The following ANKMY1 variants were observed in gnomAD, a reference collection of about 807,000 sequenced individuals.
ANKMY1 encodes ankyrin repeat and MYND domain-containing protein 1.
Under a neutral mutation model 102.0 loss-of-function variants are expected in ANKMY1, and 98 were observed. The observed-to-expected ratio is 0.96, with a 90% confidence interval of 0.82 to 1.14. The LOEUF is 1.14. Ranked by LOEUF, ANKMY1 falls within the 50% of genes most tolerant of loss-of-function variation. The probability of loss-of-function intolerance (pLI) is 0.00; values close to 1 mark genes in which losing one functional copy is unlikely to be tolerated. For synonymous variants in ANKMY1, 582 were observed against 559.9 expected, an observed-to-expected ratio of 1.04 and a Z score of -0.56; for missense variants, 1,330 against 1,347.6, an observed-to-expected ratio of 0.99 and a Z score of 0.20.
At chr2:240,554,787 T>G (rs777925268) in intron 3 of ANKMY1, 79 bp downstream of exon 3, 119 of 1,522,370 alleles carry the variant, frequency 7.8e-5, no homozygotes, top group Non-Finnish European at 1.1e-4. Flanking sequence ...AAAGTTCCCG[T>G]CCCATCACTC....
upstream of ANKMY1, chr2:240,560,241 G>A (rs2092832407): frequency 6.4e-6 from 1 of 157,370 alleles, no homozygotes; most frequent in African/African-American, 2.4e-5. Flanking sequence ...CACGTGCACC[G>A]GGTAGCCACG....
Position 240,500,453 on chromosome 2 carries a change from T to A in ANKMY1, c.2639A>T (p.Gln880Leu). ...CCTCATGGGAGGCTCACCACCTACC[T>A]GGAAGAATCTGAAGTAGCCATAGTC... Reference protein sequence around the residue: ...AVDYGYFRFFQDRRIARCPFH... With the variant: ...AVDYGYFRFFLDRRIARCPFH... The change falls in exon 14 of 18, where the codon CAG becomes CTG. Residue 880 changes from glutamine to leucine, a missense_variant and splice_region_variant. Transcript: ENST00000401804. 6.2e-7 allele frequency: 1 copy of A among 1,613,588 alleles called. No individual in the cohort carries two copies. The highest frequency in any genetic ancestry group is 8.5e-7 in the Non-Finnish European group (1 of 1,179,674).
rs2077867615 is a variant in ANKMY1, at chr2:240,499,871, G to A, written c.2806+87C>T. The A allele has an allele frequency of 2.1e-6, 3 of 1,460,628 alleles. No individual in the cohort carries two copies. The highest frequency in any genetic ancestry group is 2.7e-6 in the Non-Finnish European group (3 of 1,095,602). The allele number at this position is 1,460,628 out of a possible 1,614,324, so 90.5% of individuals were successfully genotyped here. On this transcript the variant is annotated intron_variant, in intron 15 of 17. Coordinates refer to ENST00000401804, the MANE Select transcript of ANKMY1 (RefSeq NM_001282771.3). This position sits in a 1 kb window ranked among gnomAD's most constrained non-coding sequence, Gnocchi z 4.2. ...GGAAGGCCCCTCCAAGAGCCCCAGG[G>A]GGTCCAGATCTCCAGGGATAACAGC...
At chr2:240,482,096 G>T in intron 16 of ANKMY1, 87 bp downstream of exon 16, 2 of 1,431,646 alleles carry the variant, frequency 1.4e-6, no homozygotes, top group South Asian at 1.2e-5. Flanking sequence ...GGCTGTCCCG[G>T]GATGAGGTGG....
downstream of ANKMY1, among the ~76,000 whole-genome samples, chr2:240,475,893 G>A (rs1042061761): frequency 6.6e-6 from 1 of 152,068 alleles, no homozygotes; most frequent in African/African-American, 2.4e-5. Flanking sequence ...TTCATGGATT[G>A]GAAGAATACT....
intron 13 of ANKMY1, among the ~76,000 whole-genome samples, chr2:240,501,790 T>C (rs974776639): frequency 6.6e-6 from 1 of 152,166 alleles, no homozygotes; most frequent in South Asian, 2.1e-4. Flanking sequence ...CCCTGGCACA[T>C]GGGGGCATGG....
upstream of ANKMY1, chr2:240,560,792 G>T: frequency 1.0e-5 from 15 of 1,453,752 alleles, no homozygotes; most frequent in Non-Finnish European, 1.3e-5. Flanking sequence ...CCGCGGGCGC[G>T]GAGGAGCAGC....
At position 240,520,772 on chromosome 2, in the gene ANKMY1, A is replaced by G. The variant is rs1036213459; in HGVS notation, c.1833-239T>C. Among the ~76,000 whole-genome samples the G allele has an allele frequency of 6.8e-6, 1 of 146,726 alleles. No individual in the cohort carries two copies. The highest frequency in any genetic ancestry group is 2.0e-4 in the East Asian group (1 of 4,952). ...GCACACACAGCACACCACACAGCAC[A>G]CTCACAACCACACCCACAGCACACC... On this transcript the variant is annotated intron_variant, in intron 8 of 17. Coordinates refer to ENST00000401804, the MANE Select transcript of ANKMY1 (RefSeq NM_001282771.3). This position sits in a 1 kb window ranked among gnomAD's most constrained non-coding sequence, Gnocchi z 4.8.
intron 4 of ANKMY1, among the ~76,000 whole-genome samples, chr2:240,549,647 T>C (rs1461450749): frequency 6.6e-6 from 1 of 151,998 alleles, no homozygotes; most frequent in Non-Finnish European, 1.5e-5. Context: ...GAATCTACAA[T>C]GAACTCAAAA....
chr2:240,485,067 G>A (rs1163695791), intron 15 of ANKMY1, among the ~76,000 whole-genome samples: 2 of 152,162 alleles, frequency 1.3e-5, no homozygotes, highest in African/African-American at 2.4e-5. Context: ...GGTGGCTCAT[G>A]CCTGTAATCC....
At chr2:240,497,998 C>A (rs149233622) in intron 15 of ANKMY1, among the ~76,000 whole-genome samples, 3 of 152,232 alleles carry the variant, frequency 2.0e-5, no homozygotes, top group African/African-American at 4.8e-5. Flanking sequence ...CCCCAGTATC[C>A]TCAGGGGTGT....
rs2081958777 is a variant in ANKMY1 at position 240,520,333 on chromosome 2, TC to T, written c.2004+28del. 6.6e-7 allele frequency: 1 copy of T among 1,513,176 alleles called. No individual in the cohort carries two copies. The highest frequency in any genetic ancestry group is 2.1e-5 in the Admixed American group (1 of 46,894). 93.7% of individuals were successfully genotyped at this position (1,513,176 alleles called of 1,614,324 possible). ...AGTGCCCGGGAGTCTGCTGCGCTCGTCCCGGCGCCCGCCCGCCGCGGCTCCT... is the reference window on the plus strand; with the variant it reads ...AGTGCCCGGGAGTCTGCTGCGCTCGTCCGGCGCCCGCCCGCCGCGGCTCCT... On this transcript the variant is annotated intron_variant, in intron 9 of 17. Transcript: ENST00000401804. The surrounding 1 kb of genome is among the most constrained non-coding windows in gnomAD (Gnocchi z 4.8).
intron 13 of ANKMY1, among the ~76,000 whole-genome samples, chr2:240,505,140 G>A (rs578252238): frequency 3.9e-5 from 6 of 152,086 alleles, no homozygotes; most frequent in Admixed American, 6.5e-5. Flanking sequence ...TGCAGCTGCC[G>A]TGGAAATAGT....
At chr2:240,539,915 C>T (rs2088201423) in intron 4 of ANKMY1, among the ~76,000 whole-genome samples, 1 of 152,192 alleles carries the variant, frequency 6.6e-6, no homozygotes, top group Non-Finnish European at 1.5e-5. Flanking sequence ...TACCCCCTCC[C>T]TTTTGGAGTT....
intron 8 of ANKMY1, chr2:240,522,287 A>G (rs1398969680): frequency 6.6e-6 from 1 of 152,222 alleles, no homozygotes; most frequent in African/African-American, 2.4e-5. Context: ...TCACCTCTCA[A>G]TAATGCTCAC....
Position 240,523,988 on chromosome 2 carries a change from T to C in ANKMY1, c.1729A>G (p.Arg577Gly), listed in dbSNP as rs1448806645. The C allele has an allele frequency of 8.1e-6, 13 of 1,613,920 alleles. No homozygotes were observed. The East Asian group carries it at 2.9e-4, about 36-fold the overall frequency. The change falls in exon 8 of 18, where the codon AGA becomes GGA. Residue 577 changes from arginine to glycine, a missense_variant. Coordinates refer to ENST00000401804, the MANE Select transcript of ANKMY1 (RefSeq NM_001282771.3). ...SIELSQAMLE[R>G]SAQSHSLLKM... ...AGCAAGCTGTGGGACTGGGCGCTTC[T>C]CTCCAGCATGGCCTGCGAGAGCTCG...
chr2:240,524,144 G>A lies in ANKMY1; in HGVS notation c.1573C>T (p.Pro525Ser), dbSNP rs769318304. 5 of 1,613,824 alleles carry A rather than the reference G, an allele frequency of 3.1e-6. No individual in the cohort carries two copies. Among genetic ancestry groups the A allele is most frequent in the South Asian group, 2.2e-5 (2 of 91,084 alleles). ...HRSSSLKGDS[P>S]LVKGSLGHVE... ...TGGCCAAGGCTGCCCTTCACCAACG[G>A]GGAGTCCCCCTTCAGAGAGCTGCTC... The change falls in exon 8 of 18, where the codon CCG (proline) becomes TCG (serine). Residue 525 changes from proline to serine, a missense_variant. Transcript: ENST00000401804.
chr2:240,520,385 T>A lies in ANKMY1; in HGVS notation c.1981A>T (p.Thr661Ser), dbSNP rs771191977. ...VRLLLEHGAR[T>S]DICFPPQLST... ...ACCTGCGGCGGAAAGCAGATGTCGG[T>A]CCTCGCCCCGTGCTCCAGCAGCAGC... Residue 661 changes from threonine (T) to serine (S), a missense_variant, in exon 9 of 18, where the codon ACC becomes TCC. Coordinates refer to ENST00000401804, the MANE Select transcript of ANKMY1 (RefSeq NM_001282771.3). This position sits in a 1 kb window ranked among gnomAD's most constrained non-coding sequence, Gnocchi z 4.8. The A allele has an allele frequency of 1.3e-5, 21 of 1,576,786 alleles. No individual in the cohort carries two copies. The highest frequency in any genetic ancestry group is 1.3e-5 in the Non-Finnish European group (15 of 1,161,240).
intron 13 of ANKMY1, among the ~76,000 whole-genome samples, chr2:240,503,686 G>A (rs868323561): frequency 5.9e-5 from 9 of 152,340 alleles, no homozygotes; most frequent in Middle Eastern, 3.4e-3. Context: ...TAGCCAAGGA[G>A]AAAGGAGAAG....
Sources: allele counts gnomAD v4.1 joint callset (sites outside exome capture counted in the v4.1 genomes callset), GRCh38; gene constraint gnomAD v4.1.1; non-coding constraint Gnocchi (gnomAD v3.1); transcripts MANE v1.5; gene names NCBI Gene and HGNC (gene_info 2026-07-23, HGNC 2026-07-21).